SOBP: variants seen among roughly 807,000 people sequenced by gnomAD.
SOBP encodes the protein sine oculis binding protein homolog.
SOBP carries 4 observed loss-of-function variants against 53.6 expected under a neutral mutation model. The ratio of observed to expected loss-of-function variants is 0.07; its 90% CI spans 0.04 to 0.17. The LOEUF (loss-of-function observed/expected upper bound fraction) is 0.17, where lower values mean the gene tolerates loss of function less well. Ranked by LOEUF, SOBP falls within the 10% of genes least tolerant of loss-of-function variation. SOBP has a pLI of 1.00. For synonymous variants in SOBP, 584 were observed against 522.6 expected (o/e 1.12, Z -1.60); for missense variants, 1,088 against 1,204.7 (o/e 0.90, Z 1.43).
intron 1 of SOBP, among the ~76,000 whole-genome samples, chr6:107,502,959 C>A (rs547698164): frequency 1.3e-5 from 2 of 152,200 alleles, no homozygotes; most frequent in Admixed American, 1.3e-4. Flanking sequence ...AGGGGTTTCA[C>A]CATGTTGCCC....
Position 107,634,953 on chromosome 6 carries a change from C to A in SOBP, c.2109C>A (p.Ala703=). The A allele has an allele frequency of 5.7e-6, 6 of 1,047,210 alleles. No homozygotes were observed. Among genetic ancestry groups the A allele is most frequent in the South Asian group, 4.4e-5 (1 of 22,810 alleles). The allele number at this position is 1,047,210 out of a possible 1,614,324, so 64.9% of individuals were successfully genotyped here. Residue 703 remains alanine, a synonymous_variant, in exon 6 of 7, where the codon GCC becomes GCA. Coordinates refer to ENST00000317357, the MANE Select transcript of SOBP (RefSeq NM_018013.4). The surrounding 1 kb of genome is among the most constrained non-coding windows in gnomAD (Gnocchi z 4.5). ...CRDGHCSPPA[A]GDPGPGAPAG... The stretch of plus-strand genomic sequence containing the variant: ...ACGGCCACTGCAGCCCGCCCGCCGC[C>A]GGCGACCCAGGCCCGGGCGCCCCGG...
intron 5 of SOBP, among the ~76,000 whole-genome samples, chr6:107,625,868 G>A (rs1050742434): frequency 6.6e-5 from 10 of 152,166 alleles, no homozygotes; most frequent in African/African-American, 2.4e-4. Context: ...GAAGAAATGA[G>A]GTGTGTGACC....
In SOBP at chr6:107,561,271, G is replaced by A. The variant is rs972791179; in HGVS notation, c.574-25809G>A. ...GAGAAGCAAGGCATACGTAGTTCAT[G>A]GGGTTTCTTTAAATTAAAAAAAAAA... On this transcript the variant is annotated intron_variant, in intron 4 of 6. Coordinates refer to ENST00000317357, the MANE Select transcript of SOBP (RefSeq NM_018013.4). 9.9e-5 allele frequency among the ~76,000 whole-genome samples: 15 copies of A among 151,992 alleles called. 1 individual carries two copies. Among genetic ancestry groups the A allele is most frequent in the Admixed American group, 7.9e-4 (12 of 15,278 alleles).
chr6:107,562,176 G>A (rs1193737638), intron 4 of SOBP, among the ~76,000 whole-genome samples: 1 of 151,812 alleles, frequency 6.6e-6, no homozygotes, highest in Middle Eastern at 3.2e-3. Flanking sequence ...AATTACAGGT[G>A]CATGCCTCAG....
intron 5 of SOBP, among the ~76,000 whole-genome samples, chr6:107,611,239 T>C (rs1236465486): frequency 6.6e-6 from 1 of 152,174 alleles, no homozygotes; most frequent in Non-Finnish European, 1.5e-5. Context: ...GCCTGGGGTG[T>C]TTATTATCCT....
chr6:107,653,671 G>T (rs1487346826), intron 6 of SOBP, among the ~76,000 whole-genome samples: 1 of 152,218 alleles, frequency 6.6e-6, no homozygotes, highest in Non-Finnish European at 1.5e-5. Context: ...AGTATTTGAG[G>T]AAGGAAATAA....
At chr6:107,586,464 T>G (rs530810164) in intron 4 of SOBP, among the ~76,000 whole-genome samples, 1 of 152,268 alleles carries the variant, frequency 6.6e-6, no homozygotes, top group East Asian at 1.9e-4. Flanking sequence ...CTTTCTTAAT[T>G]AACAGCGTAG....
At chr6:107,568,016 C>T (rs1784966562) in intron 4 of SOBP, among the ~76,000 whole-genome samples, 1 of 152,140 alleles carries the variant, frequency 6.6e-6, no homozygotes. Flanking sequence ...GTTTTAAGAA[C>T]CTGGGACTTT....
intron 5 of SOBP, among the ~76,000 whole-genome samples, chr6:107,605,836 T>C (rs1240869205): frequency 6.6e-6 from 1 of 152,144 alleles, no homozygotes; most frequent in Non-Finnish European, 1.5e-5. Flanking sequence ...GAATCCCAGG[T>C]CCCACCCAGA....
chr6:107,655,682 G>C (rs1376406715), intron 6 of SOBP, among the ~76,000 whole-genome samples: 1 of 152,122 alleles, frequency 6.6e-6, no homozygotes, highest in East Asian at 1.9e-4. Context: ...GAATAATAAT[G>C]ATTATTATAG....
intron 4 of SOBP, among the ~76,000 whole-genome samples, chr6:107,573,917 AATGTATGGAG>A (rs1332536295): frequency 9.2e-5 from 14 of 152,208 alleles, no homozygotes; most frequent in South Asian, 2.1e-4. Flanking sequence ...AAAAAATTAA[AATGTATGGAG>A]CATGTGGGCT....
chr6:107,596,057 T>C (rs1785935234), intron 5 of SOBP, among the ~76,000 whole-genome samples: 1 of 152,208 alleles, frequency 6.6e-6, no homozygotes, highest in Non-Finnish European at 1.5e-5. Context: ...ACAGTACTCA[T>C]TCTCTTTTAA....
At chr6:107,597,598 C>T (rs1785994419) in intron 5 of SOBP, among the ~76,000 whole-genome samples, 1 of 152,002 alleles carries the variant, frequency 6.6e-6, no homozygotes, top group South Asian at 2.1e-4. Context: ...TTTTTCTATA[C>T]TAATTTAATG....
In SOBP at chr6:107,591,819, A is replaced by AC. The variant is rs147250123; in HGVS notation, c.669+4649dup. 0.013 allele frequency among the ~76,000 whole-genome samples: 1,953 copies of AC among 152,198 alleles called. 85 individuals are homozygous for AC. The East Asian group carries it at 0.17, about 13-fold the overall frequency. The stretch of plus-strand genomic sequence containing the variant: ...TAAAGTAGTGGGAATCATATAATGA[A>AC]CCCCCATGTTCCTTTCACCTAGCTT... On this transcript the variant is annotated intron_variant, in intron 5 of 6. Transcript: ENST00000317357.
chr6:107,563,781 G>T (rs911734215), intron 4 of SOBP, among the ~76,000 whole-genome samples: 1 of 152,172 alleles, frequency 6.6e-6, no homozygotes, highest in African/African-American at 2.4e-5. Context: ...GGCTTGAGGG[G>T]ATGCAGCCTC....
intron 4 of SOBP, among the ~76,000 whole-genome samples, chr6:107,535,257 A>G (rs781444501): frequency 5.3e-5 from 8 of 152,208 alleles, no homozygotes; most frequent in African/African-American, 9.7e-5. Context: ...TACCATATCT[A>G]TATCTATATT....
intron 3 of SOBP, among the ~76,000 whole-genome samples, chr6:107,518,750 G>GTTTTT (rs11390425): frequency 1.8e-3 from 204 of 111,662 alleles, no homozygotes; most frequent in African/African-American, 5.3e-3. Context: ...AGGAAAGGCT[G>GTTTTT]TTTTTTTTTT....
chr6:107,575,567 A>T (rs1035556242), intron 4 of SOBP, among the ~76,000 whole-genome samples: 5 of 152,128 alleles, frequency 3.3e-5, no homozygotes, highest in African/African-American at 1.2e-4. Flanking sequence ...AGGGAATGGA[A>T]CAAACAGAAG....
chr6:107,644,928 A>G (rs1771491143), intron 6 of SOBP, among the ~76,000 whole-genome samples: 1 of 152,264 alleles, frequency 6.6e-6, no homozygotes, highest in South Asian at 2.1e-4. Context: ...ATAAGATGGC[A>G]TCATAAACAT....
Sources: allele counts gnomAD v4.1 joint callset (sites outside exome capture counted in the v4.1 genomes callset), GRCh38; gene constraint gnomAD v4.1.1; non-coding constraint Gnocchi (gnomAD v3.1); transcripts MANE v1.5; gene names NCBI Gene and HGNC (gene_info 2026-07-23, HGNC 2026-07-21).